The following TIMELESS variants were observed in gnomAD, a reference collection of about 807,000 sequenced individuals.
The protein encoded by TIMELESS is protein timeless homolog.
In TIMELESS, 124 loss-of-function variants were observed where a neutral mutation model predicts 164.3. The ratio of observed to expected loss-of-function variants is 0.75; its 90% confidence interval spans 0.65 to 0.88. The LOEUF (loss-of-function observed/expected upper bound fraction) is 0.88, where lower values mean the gene tolerates loss of function less well. Among genes scored for constraint, TIMELESS ranks in the 40% least tolerant of loss-of-function variants. TIMELESS has a pLI of 0.00. For missense variants in TIMELESS, 1,422 were observed against 1,491.4 expected (o/e 0.95, Z 0.77); for synonymous variants, 564 against 563.4 (o/e 1.00, Z -0.02).
At position 56,418,191 on chromosome 12, in the gene TIMELESS, C is replaced by G. The variant is rs148897503; in HGVS notation, c.3397G>C (p.Ala1133Pro). 4.6e-5 allele frequency: 74 copies of G among 1,614,112 alleles called. No homozygotes were observed. The highest frequency in any genetic ancestry group is 6.1e-5 in the Non-Finnish European group (72 of 1,180,056). ...EEHCKEHRAQALRALLLAHKK... is the reference protein window; with the variant it reads ...EEHCKEHRAQPLRALLLAHKK... Reference sequence around the variant, plus strand: ...TGGGCTAGCAAGAGGGCCCTCAGGGCTTGTGCTCGGTGCTCTTTACAGTGC... The same window carrying G: ...TGGGCTAGCAAGAGGGCCCTCAGGGGTTGTGCTCGGTGCTCTTTACAGTGC... Residue 1133 changes from alanine to proline, a missense_variant, in exon 27 of 29, where the codon GCC becomes CCC. Ala to Pro is a conservative substitution (Grantham distance 27, BLOSUM62 -1). Transcript: ENST00000553532.
intron 1 of TIMELESS, among the ~76,000 whole-genome samples, 159 bp downstream of exon 1, chr12:56,449,151 G>C (rs1248543234): frequency 1.3e-5 from 2 of 152,294 alleles, no homozygotes; most frequent in Non-Finnish European, 2.9e-5. Flanking sequence ...CTAAGGAGCA[G>C]AGTACAGAAT....
At chr12:56,448,780 G>A (rs1868448280) in intron 1 of TIMELESS, among the ~76,000 whole-genome samples, 1 of 152,172 alleles carries the variant, frequency 6.6e-6, no homozygotes, top group Non-Finnish European at 1.5e-5. Flanking sequence ...AAGCACGAAT[G>A]GCAAAGAATT....
intron 1 of TIMELESS, among the ~76,000 whole-genome samples, chr12:56,443,964 T>C (rs147052096): frequency 0.018 from 2,758 of 151,502 alleles, 93 homozygotes; most frequent in African/African-American, 0.064. Flanking sequence ...AGTGGCGTGA[T>C]TTCGGCTCAC....
At chr12:56,422,797 G>A (rs779152773) in intron 19 of TIMELESS, 50 bp downstream of exon 19, 17 of 1,546,170 alleles carry the variant, frequency 1.1e-5, no homozygotes, top group Non-Finnish European at 1.2e-5. Context: ...CTGTGACTCT[G>A]CATCAAACTT....
chr12:56,437,928 G>C (rs1001245255), intron 1 of TIMELESS, among the ~76,000 whole-genome samples: 1 of 152,130 alleles, frequency 6.6e-6, no homozygotes, highest in African/African-American at 2.4e-5. Flanking sequence ...CTAGAGATTA[G>C]GCAGCCAAAA....
chr12:56,422,060 T>C, intron 20 of TIMELESS, 44 bp from the exon 21 acceptor site: 1 of 1,613,834 alleles, frequency 6.2e-7, no homozygotes, highest in Non-Finnish European at 8.5e-7. Flanking sequence ...GTCCCACAGC[T>C]CAAGCTGCCC....
chr12:56,420,023 AAAAAAAATAT>A (rs1881404701), intron 26 of TIMELESS, among the ~76,000 whole-genome samples: 1 of 92,440 alleles, frequency 1.1e-5, no homozygotes, highest in African/African-American at 5.1e-5. Flanking sequence ...AAAAAAAAAA[AAAAAAAATAT>A]ATATATATAT....
At chr12:56,419,588 G>A (rs1466244135) in intron 26 of TIMELESS, among the ~76,000 whole-genome samples, 2 of 151,522 alleles carry the variant, frequency 1.3e-5, no homozygotes, top group Non-Finnish European at 2.9e-5. Flanking sequence ...ATGTAAAGTC[G>A]GTGTGTGAGT....
chr12:56,441,041 C>T (rs1043643223), intron 1 of TIMELESS, among the ~76,000 whole-genome samples: 33 of 152,112 alleles, frequency 2.2e-4, no homozygotes, highest in Admixed American at 1.4e-3. Flanking sequence ...GGCTGCTGAA[C>T]TCCTGGCCTC....
rs74094737 is a variant in TIMELESS, at chr12:56,444,448, A to G, written c.-62+4862T>C. Reference sequence around the variant, plus strand: ...TTGCTTCTAATCTAAGTACTCTGTGATCCTCATTAATCACTTCCTGTCCCT... The same window carrying G: ...TTGCTTCTAATCTAAGTACTCTGTGGTCCTCATTAATCACTTCCTGTCCCT... On this transcript the variant is annotated intron_variant, in intron 1 of 28. Coordinates refer to ENST00000553532, the MANE Select transcript of TIMELESS (RefSeq NM_003920.5). 6.2e-3 allele frequency among the ~76,000 whole-genome samples: 943 copies of G among 152,224 alleles called. 10 individuals carry two copies. The highest frequency in any genetic ancestry group is 0.021 in the African/African-American group (883 of 41,538).
At chr12:56,438,257 C>T (rs1028218447) in intron 1 of TIMELESS, among the ~76,000 whole-genome samples, 1 of 152,092 alleles carries the variant, frequency 6.6e-6, no homozygotes, top group African/African-American at 2.4e-5. Context: ...GTTGGTCAGG[C>T]TGGTCACAAA....
chr12:56,444,286 A>G (rs1428428864), intron 1 of TIMELESS, among the ~76,000 whole-genome samples: 1 of 151,998 alleles, frequency 6.6e-6, no homozygotes, highest in African/African-American at 2.4e-5. Context: ...CCTTCACTCT[A>G]CTGCTTCCTT....
In TIMELESS at chr12:56,423,012, C is replaced by T; in HGVS notation, c.2293-20G>A. Reference sequence around the variant, plus strand: ...TAGCTCCTGTAGGAGAAGGAGGTTACTATGAGGCCTCTCTGGTCCAATGCA... The same window carrying T: ...TAGCTCCTGTAGGAGAAGGAGGTTATTATGAGGCCTCTCTGGTCCAATGCA... On this transcript the variant is annotated intron_variant, in intron 18 of 28. Coordinates refer to ENST00000553532, the MANE Select transcript of TIMELESS (RefSeq NM_003920.5). The T allele has an allele frequency of 6.2e-7, 1 of 1,609,930 alleles. No homozygotes were observed. Among genetic ancestry groups the T allele is most frequent in the Non-Finnish European group, 8.5e-7 (1 of 1,178,048 alleles).
chr12:56,442,953 G>A (rs1038181812), intron 1 of TIMELESS, among the ~76,000 whole-genome samples: 4 of 152,138 alleles, frequency 2.6e-5, no homozygotes, highest in Admixed American at 2.0e-4. Flanking sequence ...TCCTATGCCT[G>A]TCTTTAATCT....
At position 56,423,815 on chromosome 12, in the gene TIMELESS, G is replaced by C; in HGVS notation, c.1948C>G (p.Leu650Val). 6.2e-7 allele frequency: 1 copy of C among 1,614,176 alleles called. No homozygotes were observed. Among genetic ancestry groups the C allele is most frequent in the South Asian group, 1.1e-5 (1 of 91,088 alleles). ...EEEIQLLKQILSAPLPRQQGP... is the reference protein window; with the variant it reads ...EEEIQLLKQIVSAPLPRQQGP... ...GACTCACGGGGAAGTGGAGCAGAGAGGATTTGTTTCAGCAACTGGATCTCT... is the reference window on the plus strand; with the variant it reads ...GACTCACGGGGAAGTGGAGCAGAGACGATTTGTTTCAGCAACTGGATCTCT... The change falls in exon 16 of 29, where the codon CTC (leucine) becomes GTC (valine). Residue 650 changes from leucine to valine, a missense_variant. Leu to Val is a conservative substitution (Grantham distance 32). Coordinates refer to ENST00000553532, the MANE Select transcript of TIMELESS (RefSeq NM_003920.5).
chr12:56,426,106 T>C (rs778433701), intron 13 of TIMELESS, among the ~76,000 whole-genome samples: 1 of 152,172 alleles, frequency 6.6e-6, no homozygotes, highest in Non-Finnish European at 1.5e-5. Context: ...GATTTGAGTA[T>C]TGAATTAGTA....
intron 2 of TIMELESS, 54 bp from the exon 3 acceptor site, chr12:56,433,980 G>T: frequency 6.2e-7 from 1 of 1,612,372 alleles, no homozygotes; most frequent in Non-Finnish European, 8.5e-7. Flanking sequence ...GCTCCATCCA[G>T]ACCCACATCT....
intron 1 of TIMELESS, among the ~76,000 whole-genome samples, chr12:56,443,876 T>C (rs1315193804): frequency 6.6e-6 from 1 of 151,456 alleles, no homozygotes. Flanking sequence ...TTCAGCCTGG[T>C]CCAGCAAATC....
rs1437527068 is a variant in TIMELESS at position 56,421,980 on chromosome 12, T to C, written c.2561A>G (p.Asn854Ser). ...CTGCTTGCGTGTTCGAGGAACAGTATTCAGGTGGGCCAAGATGGCTTCCAC... is the reference window on the plus strand; with the variant it reads ...CTGCTTGCGTGTTCGAGGAACAGTACTCAGGTGGGCCAAGATGGCTTCCAC... ...DVVEAILAHL[N>S]TVPRTRKQII... Residue 854 changes from asparagine (N) to serine (S), a missense_variant, in exon 21 of 29, where the codon AAT becomes AGT. Coordinates refer to ENST00000553532, the MANE Select transcript of TIMELESS (RefSeq NM_003920.5). 1 of 1,614,124 alleles carries C rather than the reference T, an allele frequency of 6.2e-7. No homozygotes were observed. The highest frequency in any genetic ancestry group is 8.5e-7 in the Non-Finnish European group (1 of 1,180,032).
Sources: allele counts gnomAD v4.1 joint callset (sites outside exome capture counted in the v4.1 genomes callset), GRCh38; gene constraint gnomAD v4.1.1; transcripts MANE v1.5; gene names NCBI Gene and HGNC (gene_info 2026-07-23, HGNC 2026-07-21).